Variants in SPARCL1 observed in about 807,000 individuals in gnomAD.
SPARCL1 encodes the protein SPARC like 1.
In SPARCL1, 52 loss-of-function variants were observed where a neutral mutation model predicts 67.1. That is an observed-to-expected ratio of 0.78 (90% CI 0.62 to 0.98). The LOEUF (loss-of-function observed/expected upper bound fraction) is 0.98. SPARCL1 is among the 50% of genes least tolerant of loss of function. The probability of loss-of-function intolerance (pLI) is 0.00; values close to 1 mark genes in which losing one functional copy is unlikely to be tolerated. For missense variants in SPARCL1, 717 were observed against 782.4 expected (o/e 0.92, Z 1.00); for synonymous variants, 226 against 267.8 (o/e 0.84, Z 1.52).
intron 1 of SPARCL1, among the ~76,000 whole-genome samples, chr4:87,504,084 A>G (rs867429977): frequency 6.7e-6 from 1 of 149,180 alleles, no homozygotes; most frequent in South Asian, 2.1e-4. Flanking sequence ...ACCAGGGAAC[A>G]GTCAGTTGGA....
intron 1 of SPARCL1, among the ~76,000 whole-genome samples, chr4:87,527,766 G>C (rs1322129613): frequency 6.6e-6 from 1 of 152,128 alleles, no homozygotes; most frequent in Non-Finnish European, 1.5e-5. Flanking sequence ...GGCACTAGTT[G>C]ATTGGACGAT....
intron 10 of SPARCL1, among the ~76,000 whole-genome samples, chr4:87,475,006 T>C (rs1723528352): frequency 6.6e-6 from 1 of 151,920 alleles, no homozygotes. Flanking sequence ...CCTCCCAAAG[T>C]GCTGGGATTA....
chr4:87,490,973 G>T, intron 5 of SPARCL1, 95 bp from the exon 6 acceptor site: 1 of 783,892 alleles, frequency 1.3e-6, no homozygotes, highest in South Asian at 2.6e-5. Context: ...CTAATGAAGG[G>T]GAAATTTTGA....
intron 1 of SPARCL1, among the ~76,000 whole-genome samples, chr4:87,513,104 A>G (rs1479320989): frequency 6.6e-6 from 1 of 152,222 alleles, no homozygotes; most frequent in Non-Finnish European, 1.5e-5. Flanking sequence ...TTTAACTGTA[A>G]GGATGTCTTG....
chr4:87,494,048 G>T lies in SPARCL1; in HGVS notation c.752C>A (p.Thr251Asn), dbSNP rs538128283. Residue 251 changes from threonine (T) to asparagine (N), a missense_variant, in exon 4 of 11, where the codon ACT becomes AAT. By Grantham distance (65) the Thr-to-Asn change is moderately conservative (BLOSUM62 0). Coordinates refer to ENST00000282470, the MANE Select transcript of SPARCL1 (RefSeq NM_004684.6). ...ATCCTCCTGCATCTTGCTTACTTGA[G>T]TTGGTTGATCAGACTCTTCCAAAAT... ...DDILEESDQP[T>N]QVSKMQEDEF... 1 of 1,613,984 alleles carries T rather than the reference G, an allele frequency of 6.2e-7. No homozygotes were observed. Among genetic ancestry groups the T allele is most frequent in the Non-Finnish European group, 8.5e-7 (1 of 1,180,030 alleles).
intron 7 of SPARCL1, among the ~76,000 whole-genome samples, chr4:87,486,284 T>A (rs1424150431): frequency 6.6e-6 from 1 of 152,174 alleles, no homozygotes; most frequent in East Asian, 1.9e-4. Context: ...CTCATTGGTT[T>A]CAAAGAACTT....
intron 1 of SPARCL1, among the ~76,000 whole-genome samples, chr4:87,501,918 G>T (rs995542425): frequency 2.0e-5 from 3 of 150,212 alleles, no homozygotes; most frequent in Non-Finnish European, 3.0e-5. Flanking sequence ...TCAACAGTGT[G>T]TCTATCATTC....
At chr4:87,515,829 A>G (rs906295427) in intron 1 of SPARCL1, among the ~76,000 whole-genome samples, 3 of 152,142 alleles carry the variant, frequency 2.0e-5, no homozygotes, top group African/African-American at 7.2e-5. Context: ...ACAAATGTCA[A>G]CTCTATTCTA....
intron 1 of SPARCL1, among the ~76,000 whole-genome samples, chr4:87,520,065 C>G (rs969736292): frequency 2.6e-5 from 4 of 151,726 alleles, no homozygotes; most frequent in Non-Finnish European, 5.9e-5. Context: ...CATGGTGAAA[C>G]CTCATCTCTA....
rs1371662030 is a variant in SPARCL1 at position 87,491,952 on chromosome 4, CCCCA to C, written c.1219-266_1219-263del. Among the ~76,000 whole-genome samples, 623 of 99,398 alleles carry C rather than the reference CCCCA, an allele frequency of 6.3e-3. 15 individuals carry two copies. Among genetic ancestry groups the C allele is most frequent in the African/African-American group, 0.036 (551 of 15,510 alleles). 65.2% of individuals were successfully genotyped at this position (99,398 alleles called of 152,430 possible). A position where few individuals can be genotyped will look rare whatever the true frequency, so the allele number is the denominator to read the frequency against. On this transcript the variant is annotated intron_variant, in intron 4 of 10. Coordinates refer to ENST00000282470, the MANE Select transcript of SPARCL1 (RefSeq NM_004684.6). ...AAACTCCATCTCTACCCACCCCCCCCCCCAAAAAAAAAAAAATTAGCTGGGCATG... is the reference window on the plus strand; with the variant it reads ...AAACTCCATCTCTACCCACCCCCCCCAAAAAAAAAAAATTAGCTGGGCATG...
At chr4:87,487,892 T>C (rs1287328484) in intron 7 of SPARCL1, among the ~76,000 whole-genome samples, 2 of 152,208 alleles carry the variant, frequency 1.3e-5, no homozygotes, top group African/African-American at 2.4e-5. Flanking sequence ...ATTTGGATAT[T>C]GATACTTGTG....
rs754841035 is a variant in SPARCL1, at chr4:87,494,019, A to G, written c.781T>C (p.Phe261Leu). 3 of 1,614,062 alleles carry G rather than the reference A, an allele frequency of 1.9e-6. No individual in the cohort carries two copies. In the Admixed American group the frequency reaches 5.0e-5, roughly 27 times the overall value. ...TQVSKMQEDE[F>L]DQGNQEQEDN... The stretch of plus-strand genomic sequence containing the variant: ...TCTTGTTCTTGGTTACCCTGATCAA[A>G]TTCATCCTCCTGCATCTTGCTTACT... Residue 261 changes from phenylalanine (F) to leucine (L), a missense_variant, in exon 4 of 11, where the codon TTT (phenylalanine) becomes CTT (leucine). Coordinates refer to ENST00000282470, the MANE Select transcript of SPARCL1 (RefSeq NM_004684.6).
At chr4:87,490,575 G>A (rs1396994553) in intron 6 of SPARCL1, among the ~76,000 whole-genome samples, 182 bp from the exon 7 acceptor site, 1 of 152,198 alleles carries the variant, frequency 6.6e-6, no homozygotes, top group Admixed American at 6.5e-5. Context: ...TGTACCAACG[G>A]TGATGACAAT....
At chr4:87,504,353 A>G (rs1724988721) in intron 1 of SPARCL1, among the ~76,000 whole-genome samples, 2 of 152,148 alleles carry the variant, frequency 1.3e-5, no homozygotes, top group Admixed American at 6.5e-5. Flanking sequence ...TACATATAAC[A>G]AGGAGAAATT....
intron 1 of SPARCL1, among the ~76,000 whole-genome samples, chr4:87,517,569 A>G (rs539929122): frequency 6.6e-6 from 1 of 151,940 alleles, no homozygotes; most frequent in Non-Finnish European, 1.5e-5. Flanking sequence ...TTGTTTCTCT[A>G]CTACCCCTGT....
At chr4:87,525,220 G>T (rs1330377380) in intron 1 of SPARCL1, among the ~76,000 whole-genome samples, 2 of 152,022 alleles carry the variant, frequency 1.3e-5, no homozygotes, top group South Asian at 2.1e-4. Context: ...TTTCACAAGT[G>T]GGGGAAACTG....
intron 4 of SPARCL1, among the ~76,000 whole-genome samples, chr4:87,492,884 G>A (rs1560818275): frequency 6.6e-6 from 1 of 152,156 alleles, no homozygotes; most frequent in Non-Finnish European, 1.5e-5. Context: ...ATTTTGGTAT[G>A]TGTTTGCTTA....
At chr4:87,506,877 C>T (rs926071512) in intron 1 of SPARCL1, among the ~76,000 whole-genome samples, 1 of 151,956 alleles carries the variant, frequency 6.6e-6, no homozygotes, top group Non-Finnish European at 1.5e-5. Flanking sequence ...CTCTGGAGAA[C>T]CTTGACTAAT....
At position 87,473,572 on chromosome 4, in the gene SPARCL1, T is replaced by G. The variant is rs1723434616; in HGVS notation, c.*203A>C. 2.2e-6 allele frequency: 1 copy of G among 454,264 alleles called. No homozygotes were observed. Among genetic ancestry groups the G allele is most frequent in the African/African-American group, 2.0e-5 (1 of 49,740 alleles). 28.1% of individuals were successfully genotyped at this position (454,264 alleles called of 1,614,324 possible). A position where few individuals can be genotyped will look rare whatever the true frequency, so the allele number is the denominator to read the frequency against. Reference sequence around the variant, plus strand: ...GTACAGTATTTTGCATATGTTGACTTTACTTAATTGTACATTTTTGTTTCC... The same window carrying G: ...GTACAGTATTTTGCATATGTTGACTGTACTTAATTGTACATTTTTGTTTCC... On this transcript the variant is annotated 3_prime_UTR_variant, in exon 11 of 11. Transcript: ENST00000282470.
Sources: gnomAD v4.1 joint callset for allele counts (sites outside exome capture counted in the v4.1 genomes callset) on GRCh38, gnomAD v4.1.1 for gene constraint, MANE v1.5 for transcripts, NCBI Gene and HGNC (gene_info 2026-07-23, HGNC 2026-07-21) for gene names.